Variants in TRAPPC9 observed in about 807,000 individuals in gnomAD.
TRAPPC9 encodes the protein trafficking protein particle complex subunit 9, also known as IKK2 binding protein.
TRAPPC9 carries 83 observed loss-of-function variants against 124.0 expected under a neutral mutation model. That is an observed-to-expected ratio of 0.67 (90% CI 0.56 to 0.80). The LOEUF (loss-of-function observed/expected upper bound fraction) is 0.80, where lower values mean the gene tolerates loss of function less well. Among genes scored for constraint, TRAPPC9 ranks in the 30% least tolerant of loss-of-function variants. TRAPPC9 has a pLI of 0.00. For missense variants in TRAPPC9, 1,302 were observed against 1,508.3 expected (o/e 0.86, Z 2.27); for synonymous variants, 638 against 617.5 (o/e 1.03, Z -0.49).
chr8:139,834,830 G>A (rs1012276471), intron 21 of TRAPPC9, among the ~76,000 whole-genome samples: 1 of 152,148 alleles, frequency 6.6e-6, no homozygotes, highest in African/African-American at 2.4e-5. Flanking sequence ...GATGTAAACC[G>A]CAGCTCAGAA....
At chr8:139,888,448 C>T (rs2131135571) in intron 20 of TRAPPC9, among the ~76,000 whole-genome samples, 1 of 152,306 alleles carries the variant, frequency 6.6e-6, no homozygotes, top group African/African-American at 2.4e-5. Context: ...TACCCCTGGC[C>T]TGTGGGTAGC....
At chr8:140,077,093 G>A (rs1402437824) in intron 17 of TRAPPC9, among the ~76,000 whole-genome samples, 2 of 152,104 alleles carry the variant, frequency 1.3e-5, no homozygotes, top group African/African-American at 4.8e-5. Flanking sequence ...TTGAACCCAG[G>A]AGGTAAAGGA....
chr8:139,780,159 A>G (rs911268661), intron 21 of TRAPPC9, among the ~76,000 whole-genome samples: 2 of 152,210 alleles, frequency 1.3e-5, no homozygotes, highest in African/African-American at 4.8e-5. Flanking sequence ...TGAAAAACTG[A>G]TTCTAAAGTT....
chr8:140,178,049 T>G (rs1276384287), intron 17 of TRAPPC9, among the ~76,000 whole-genome samples: 1 of 152,192 alleles, frequency 6.6e-6, no homozygotes, highest in African/African-American at 2.4e-5. Context: ...AATTCCTTAG[T>G]ATTTTCTACA....
chr8:139,842,690 C>T (rs1458839821), intron 21 of TRAPPC9, among the ~76,000 whole-genome samples: 1 of 152,136 alleles, frequency 6.6e-6, no homozygotes, highest in Admixed American at 6.5e-5. Flanking sequence ...GGGCCTGTGG[C>T]ACAGAGAAGT....
At position 139,935,890 on chromosome 8, in the gene TRAPPC9, T is replaced by C. The variant is rs530900910; in HGVS notation, c.2811-25590A>G. ...CGATGGGGAAACTGAGGCACACAGA[T>C]GCCACACTAGTCACCCAAAGGGATG... On this transcript the variant is annotated intron_variant, in intron 19 of 22. Coordinates refer to ENST00000438773, the MANE Select transcript of TRAPPC9 (RefSeq NM_001160372.4). Among the ~76,000 whole-genome samples the C allele has an allele frequency of 2.6e-5, 4 of 152,308 alleles. No individual in the cohort carries two copies. The East Asian group carries it at 7.7e-4, about 29-fold the overall frequency.
chr8:140,114,462 T>C (rs568103965), intron 17 of TRAPPC9, among the ~76,000 whole-genome samples: 3 of 152,338 alleles, frequency 2.0e-5, no homozygotes, highest in African/African-American at 7.2e-5. Context: ...TGTCATTAAT[T>C]TGACTGTTCT....
intron 21 of TRAPPC9, among the ~76,000 whole-genome samples, chr8:139,827,802 C>G (rs1462255690): frequency 6.6e-6 from 1 of 152,192 alleles, no homozygotes; most frequent in Non-Finnish European, 1.5e-5. Context: ...CACAGTGCTG[C>G]AGGCTGTACA....
intron 17 of TRAPPC9, among the ~76,000 whole-genome samples, chr8:140,214,301 T>G (rs778623086): frequency 6.6e-6 from 1 of 152,304 alleles, no homozygotes; most frequent in African/African-American, 2.4e-5. Context: ...GAAGCCAGGC[T>G]AGGCAGCACT....
At chr8:139,829,316 G>T (rs1368411815) in intron 21 of TRAPPC9, among the ~76,000 whole-genome samples, 1 of 152,224 alleles carries the variant, frequency 6.6e-6, no homozygotes, top group African/African-American at 2.4e-5. Flanking sequence ...CAATCACTGT[G>T]CAGACAAACA....
intron 11 of TRAPPC9, among the ~76,000 whole-genome samples, chr8:140,292,136 C>A (rs1189344997): frequency 6.6e-6 from 1 of 152,038 alleles, no homozygotes; most frequent in Non-Finnish European, 1.5e-5. Context: ...CAATTTCCAT[C>A]ACCCCCTCCT....
At chr8:139,944,675 C>T (rs775981216) in intron 19 of TRAPPC9, among the ~76,000 whole-genome samples, 4 of 151,880 alleles carry the variant, frequency 2.6e-5, no homozygotes, top group Non-Finnish European at 5.9e-5. Context: ...TTAAATAATA[C>T]AAAAGATGGC....
chr8:140,025,565 CA>C (rs11329773), intron 17 of TRAPPC9, among the ~76,000 whole-genome samples: 89,895 of 123,796 alleles, frequency 0.73, 30,434 homozygotes, highest in Middle Eastern at 0.83. Context: ...AAGCAAAATG[CA>C]AAAAAAAAAA....
At position 140,353,713 on chromosome 8, in the gene TRAPPC9, C is replaced by A. The variant is rs2132137424; in HGVS notation, c.1495+6337G>T. Among the ~76,000 whole-genome samples, 1 of 152,326 alleles carries A rather than the reference C, an allele frequency of 6.6e-6. No individual in the cohort carries two copies. Among genetic ancestry groups the A allele is most frequent in the Middle Eastern group, 3.4e-3 (1 of 294 alleles). On this transcript the variant is annotated intron_variant, in intron 9 of 22. Transcript: ENST00000438773. The surrounding 1 kb of genome is among the most constrained non-coding windows in gnomAD (Gnocchi z 4.2). ...TCAAAAGCCTGACCAAAGGCCACAG[C>A]AGGATCTTTAAAATTGCCAGTTAGA...
At position 140,087,503 on chromosome 8, in the gene TRAPPC9, T is replaced by C. The variant is rs1020684993; in HGVS notation, c.2557-63424A>G. 6.6e-5 allele frequency among the ~76,000 whole-genome samples: 10 copies of C among 152,196 alleles called. No homozygotes were observed. Among genetic ancestry groups the C allele is most frequent in the African/African-American group, 2.4e-4 (10 of 41,450 alleles). On this transcript the variant is annotated intron_variant, in intron 17 of 22. Coordinates refer to ENST00000438773, the MANE Select transcript of TRAPPC9 (RefSeq NM_001160372.4). The surrounding 1 kb of genome is among the most constrained non-coding windows in gnomAD (Gnocchi z 4.6). ...ATGACTCGCCTGAAGAATATGGTTG[T>C]GTTTTCCCCACATTCTAATCCCCAC...
intron 9 of TRAPPC9, among the ~76,000 whole-genome samples, chr8:140,313,764 G>A (rs922056302): frequency 4.6e-5 from 7 of 152,130 alleles, no homozygotes; most frequent in Non-Finnish European, 4.4e-5. Context: ...GGGCAGAAGC[G>A]ATCTGCGGAT....
At chr8:139,768,826 C>CG (rs1395715315) in intron 21 of TRAPPC9, among the ~76,000 whole-genome samples, 25 of 151,992 alleles carry the variant, frequency 1.6e-4, no homozygotes, top group Non-Finnish European at 3.5e-4. Flanking sequence ...TACAATACCT[C>CG]GGGGGGGAAT....
intron 21 of TRAPPC9, among the ~76,000 whole-genome samples, chr8:139,885,253 G>A (rs1478922755): frequency 6.6e-6 from 1 of 152,236 alleles, no homozygotes; most frequent in Non-Finnish European, 1.5e-5. Context: ...AATGTAGAAA[G>A]GCACAGTGTA....
At chr8:140,102,127 T>C (rs1292253690) in intron 17 of TRAPPC9, among the ~76,000 whole-genome samples, 2 of 152,188 alleles carry the variant, frequency 1.3e-5, no homozygotes, top group African/African-American at 4.8e-5. Context: ...CAGAATGTAG[T>C]TAAAACCAGT....
Sources: allele counts gnomAD v4.1 joint callset (sites outside exome capture counted in the v4.1 genomes callset), GRCh38; gene constraint gnomAD v4.1.1; non-coding constraint Gnocchi (gnomAD v3.1); transcripts MANE v1.5; gene names NCBI Gene and HGNC (gene_info 2026-07-23, HGNC 2026-07-21).